CFAP184: variants seen among roughly 807,000 people sequenced by gnomAD.
CFAP184 encodes cilia- and flagella-associated protein 184.
At chr4:7,041,076 G>T in the CFAP184 span, 1 of 684,130 alleles carries the variant, frequency 1.5e-6, no homozygotes, top group Non-Finnish European at 2.2e-6. Context: ...ACCTATTTTT[G>T]CTCAATCCCA....
chr4:7,041,820 G>A, the CFAP184 span: 8 of 1,610,108 alleles, frequency 5.0e-6, no homozygotes, highest in South Asian at 2.2e-5. Flanking sequence ...GCCGCACGGC[G>A]CTCATCTCCT....
At chr4:7,042,370 C>A in the CFAP184 span, 29 of 1,610,516 alleles carry the variant, frequency 1.8e-5, no homozygotes, top group Non-Finnish European at 2.5e-5. Flanking sequence ...TTTGGCCGGG[C>A]GTCCTTCCCC....
the CFAP184 span, chr4:7,042,275 G>T: frequency 6.3e-7 from 1 of 1,591,450 alleles, no homozygotes; most frequent in Non-Finnish European, 8.6e-7. Flanking sequence ...CGCAGCTGCT[G>T]CTCCTGCAGC....
At chr4:7,041,186 C>T in the CFAP184 span, 1 of 1,498,056 alleles carries the variant, frequency 6.7e-7, no homozygotes, top group Non-Finnish European at 8.9e-7. Context: ...TGACACAGGC[C>T]TTTTTAATAG....
At chr4:7,041,022 T>C in the CFAP184 span, 1 of 427,246 alleles carries the variant, frequency 2.3e-6, no homozygotes, top group Non-Finnish European at 4.1e-6. Flanking sequence ...CAGTTTTTCA[T>C]GAGAAGTCAG....
chr4:7,042,873 G>A, the CFAP184 span: 288,958 of 1,565,488 alleles, frequency 0.18, 28,749 homozygotes, highest in East Asian at 0.27. Context: ...ACGGCCGCGC[G>A]GCCAGGCTTT....
the CFAP184 span, chr4:7,041,748 C>G: frequency 6.2e-7 from 1 of 1,613,830 alleles, no homozygotes. Context: ...GGGTCAGGTC[C>G]TCCTGGGTCC....
the CFAP184 span, chr4:7,041,267 C>G: frequency 4.5e-6 from 7 of 1,564,506 alleles, no homozygotes; most frequent in African/African-American, 8.2e-5. Flanking sequence ...TCTCATCGAT[C>G]TGGTCAAGAA....
the CFAP184 span, chr4:7,042,508 A>C: frequency 6.2e-7 from 1 of 1,609,038 alleles, no homozygotes; most frequent in African/African-American, 1.3e-5. Context: ...GGTCAGCGGC[A>C]GAGAGGCCTG....
At chr4:7,041,735 C>T in the CFAP184 span, 3 of 1,614,062 alleles carry the variant, frequency 1.9e-6, no homozygotes, top group East Asian at 2.2e-5. Flanking sequence ...AGAAGCAGAC[C>T]CTGGGTCAGG....
At chr4:7,042,333 A>C in the CFAP184 span, 2 of 1,606,008 alleles carry the variant, frequency 1.2e-6, no homozygotes, top group Admixed American at 1.7e-5. Flanking sequence ...CGTCCCTTCC[A>C]TAGAGGCGCT....
chr4:7,042,729 C>A, the CFAP184 span: 2 of 1,519,132 alleles, frequency 1.3e-6, no homozygotes, highest in Non-Finnish European at 1.8e-6. Flanking sequence ...TTAGCCCTTT[C>A]GGGGCCTCGG....
the CFAP184 span, chr4:7,041,789 GCTTCAGCTGAATGTT>G: frequency 6.2e-7 from 1 of 1,612,042 alleles, no homozygotes; most frequent in Non-Finnish European, 8.5e-7. Context: ...ACCAGGCTCT[GCTTCAGCTGAATGTT>G]CTCCAGCCGC....
the CFAP184 span, chr4:7,042,308 C>A: frequency 6.3e-7 from 1 of 1,594,270 alleles, no homozygotes; most frequent in South Asian, 1.1e-5. Flanking sequence ...TCGGACCACT[C>A]GAGGTCCTCA....
the CFAP184 span, chr4:7,041,826 C>T: frequency 3.1e-6 from 5 of 1,609,918 alleles, no homozygotes; most frequent in East Asian, 6.7e-5. Context: ...CGGCGCTCAT[C>T]TCCTTCTCCT....
At chr4:7,042,525 G>T in the CFAP184 span, 2 of 1,602,310 alleles carry the variant, frequency 1.2e-6, no homozygotes. Context: ...CCTGGAACCT[G>T]ACTTCCTTCC....
At chr4:7,042,747 G>C in the CFAP184 span, 1 of 1,525,762 alleles carries the variant, frequency 6.6e-7, no homozygotes, top group African/African-American at 1.4e-5. Flanking sequence ...CGGCCTGCTC[G>C]TCCGCGGCGG....
the CFAP184 span, chr4:7,041,344 T>A: frequency 6.2e-7 from 1 of 1,614,160 alleles, no homozygotes. Context: ...GAGGCTAGCG[T>A]GGTGGCGCTT....
the CFAP184 span, chr4:7,042,877 A>C: frequency 6.4e-7 from 1 of 1,562,520 alleles, no homozygotes; most frequent in Non-Finnish European, 8.6e-7. Context: ...CCGCGCGGCC[A>C]GGCTTTCCCC....
Sources: allele counts gnomAD v4.1 joint callset, GRCh38; gene constraint gnomAD v4.1.1; transcripts MANE v1.5; gene names NCBI Gene and HGNC (gene_info 2026-07-23, HGNC 2026-07-21).